GRHPR: variants seen among roughly 807,000 people sequenced by gnomAD.
GRHPR encodes the protein glyoxylate and hydroxypyruvate reductase, also known as glyoxylate reductase/hydroxypyruvate reductase.
Under a neutral mutation model 36.8 loss-of-function variants are expected in GRHPR, and 35 were observed. The observed-to-expected ratio is 0.95, with a 90% confidence interval of 0.73 to 1.26. The LOEUF is 1.26. GRHPR is among the 50% of genes most tolerant of loss of function. GRHPR has a pLI of 0.00. For synonymous variants in GRHPR, 179 were observed against 181.0 expected (o/e 0.99, Z 0.09); for missense variants, 380 against 435.0 (o/e 0.87, Z 1.12).
intron 8 of GRHPR, chr9:37,434,025 G>GCCCAC: frequency 2.7e-6 from 1 of 372,122 alleles, no homozygotes; most frequent in Non-Finnish European, 4.8e-6. Flanking sequence ...CAGGAAAACT[G>GCCCAC]CCCTCCCACC....
chr9:37,428,670 G>C lies in GRHPR; in HGVS notation c.493+98G>C, dbSNP rs765415889. On this transcript the variant is annotated intron_variant, in intron 5 of 8. Coordinates refer to ENST00000318158, the MANE Select transcript of GRHPR (RefSeq NM_012203.2). ...TGAAGGCTGAGAAGACCCACATGCT[G>C]TCAGGGCACTTTGCTTGCAGTAGAG... 1.1e-5 allele frequency: 9 copies of C among 811,910 alleles called. No homozygotes were observed. The Admixed American group carries it at 1.4e-4, about 13-fold the overall frequency. 50.3% of individuals were successfully genotyped at this position (811,910 alleles called of 1,614,324 possible). A position where few individuals can be genotyped will look rare whatever the true frequency, so the allele number is the denominator to read the frequency against.
intron 4 of GRHPR, chr9:37,428,183 T>A (rs1823175323): frequency 1.9e-6 from 1 of 518,258 alleles, no homozygotes; most frequent in South Asian, 2.1e-5. Flanking sequence ...TCTCAACTCT[T>A]CCCTGGTTGT....
chr9:37,433,688 C>A, intron 8 of GRHPR: 1 of 165,464 alleles, frequency 6.0e-6, no homozygotes, highest in Admixed American at 6.4e-5. Flanking sequence ...GCTGCTGGTC[C>A]AGGGACCACA....
intron 4 of GRHPR, chr9:37,427,683 C>G (rs987299394): frequency 2.6e-5 from 4 of 152,026 alleles, no homozygotes; most frequent in African/African-American, 9.7e-5. Flanking sequence ...ACAAAAAATA[C>G]AAAAATTAGG....
At chr9:37,424,042 GATGC>G in intron 1 of GRHPR, among the ~76,000 whole-genome samples, 1 of 152,204 alleles carries the variant, frequency 6.6e-6, no homozygotes, top group Admixed American at 6.5e-5. Flanking sequence ...ATAGGAAGAG[GATGC>G]AATCCAGCCT....
At chr9:37,431,336 T>TG (rs1013557005) in intron 7 of GRHPR, 10 of 331,706 alleles carry the variant, frequency 3.0e-5, no homozygotes, top group African/African-American at 1.5e-4. Flanking sequence ...GAGTGAAACA[T>TG]GCAGGACCAC....
At chr9:37,436,241 G>A (rs1426197892) in intron 8 of GRHPR, among the ~76,000 whole-genome samples, 3 of 152,084 alleles carry the variant, frequency 2.0e-5, no homozygotes, top group East Asian at 1.9e-4. Context: ...CCCAAGTAGC[G>A]GGGACTATAG....
chr9:37,434,330 T>C, intron 8 of GRHPR: 1 of 471,978 alleles, frequency 2.1e-6, no homozygotes, highest in South Asian at 6.2e-5. Flanking sequence ...GAACTGCCTG[T>C]GCCTTGGGGG....
rs34302950 is a variant in GRHPR, at chr9:37,436,635, CCTCTCT to C, written c.866-14_866-9del. Reference sequence around the variant, plus strand: ...GCTGCTGAACCACCCTTCTTATCTCCCTCTCTCTCTCTCTCTCCTTTCCAGTGATTC... The same window carrying C: ...GCTGCTGAACCACCCTTCTTATCTCCCTCTCTCTCTCCTTTCCAGTGATTC... On this transcript the variant is annotated intron_variant, in intron 8 of 8. Coordinates refer to ENST00000318158, the MANE Select transcript of GRHPR (RefSeq NM_012203.2). 1,803 of 1,525,216 alleles carry C rather than the reference CCTCTCT, an allele frequency of 1.2e-3. 7 individuals are homozygous for C. The African/African-American group carries it at 0.018, about 15-fold the overall frequency. 94.5% of individuals were successfully genotyped at this position (1,525,216 alleles called of 1,614,324 possible).
At chr9:37,428,709 G>C (rs1178814340) in intron 5 of GRHPR, 137 bp downstream of exon 5, 1 of 725,558 alleles carries the variant, frequency 1.4e-6, no homozygotes, top group African/African-American at 1.7e-5. Context: ...TCTCTAATGA[G>C]GGATACAGCT....
At chr9:37,423,005 G>A (rs1023433731) in intron 1 of GRHPR, among the ~76,000 whole-genome samples, 172 bp downstream of exon 1, 4 of 152,180 alleles carry the variant, frequency 2.6e-5, no homozygotes, top group Non-Finnish European at 4.4e-5. Flanking sequence ...GGGACCTGCA[G>A]TTCCGGCTTT....
intron 6 of GRHPR, 188 bp downstream of exon 6, chr9:37,430,024 A>G (rs1271731074): frequency 3.1e-6 from 2 of 648,596 alleles, no homozygotes; most frequent in African/African-American, 1.8e-5. Context: ...GGACTTACCC[A>G]GGTCCTCTCC....
At chr9:37,422,608 G>C (rs960645386), upstream of GRHPR, 5 of 700,696 alleles carry the variant, frequency 7.1e-6, no homozygotes, top group African/African-American at 1.8e-5. Context: ...GCAACCCGGC[G>C]CTCCCTCTCG....
At chr9:37,438,335 G>A (rs1011725171), downstream of GRHPR, 3 of 152,536 alleles carry the variant, frequency 2.0e-5, no homozygotes, top group Non-Finnish European at 2.9e-5. Context: ...GGAACCCTGG[G>A]ACTGGTTTTC....
chr9:37,430,353 C>T, intron 6 of GRHPR, 158 bp from the exon 7 acceptor site: 2 of 722,292 alleles, frequency 2.8e-6, no homozygotes, highest in Non-Finnish European at 5.0e-6. Flanking sequence ...TGTGATTTGA[C>T]TTTGTGCACT....
Position 37,430,691 on chromosome 9 carries a change from C to T in GRHPR, c.734+45C>T, listed in dbSNP as rs199989291. On this transcript the variant is annotated intron_variant, in intron 7 of 8. Coordinates refer to ENST00000318158, the MANE Select transcript of GRHPR (RefSeq NM_012203.2). Reference sequence around the variant, plus strand: ...CCCAGCAAGCCTGGAGAGGAGCCATCCCCACTGCTGCCATCTGGAGATTTT... The same window carrying T: ...CCCAGCAAGCCTGGAGAGGAGCCATTCCCACTGCTGCCATCTGGAGATTTT... 4 of 1,572,274 alleles carry T rather than the reference C, an allele frequency of 2.5e-6. No homozygotes were observed. In the East Asian group the frequency reaches 9.0e-5, roughly 35 times the overall value.
At chr9:37,426,786 A>G (rs1823102982) in intron 4 of GRHPR, 132 bp downstream of exon 4, 3 of 633,446 alleles carry the variant, frequency 4.7e-6, no homozygotes, top group Admixed American at 2.2e-5. Context: ...CGTCTCTAGT[A>G]AAAATACAAA....
chr9:37,436,786 A>G lies in GRHPR; in HGVS notation c.*4A>G, dbSNP rs1564305751. The G allele has an allele frequency of 6.2e-7, 1 of 1,613,980 alleles. No homozygotes were observed. The highest frequency in any genetic ancestry group is 1.1e-5 in the South Asian group (1 of 91,076). On this transcript the variant is annotated 3_prime_UTR_variant, in exon 9 of 9. Transcript: ENST00000318158. ...GCCTAGTGAACTCAAGCTGTAGCCA[A>G]ACAGTAGAGATGGAGGGCCGGGAAG...
intron 2 of GRHPR, among the ~76,000 whole-genome samples, chr9:37,425,294 T>A (rs1257199788): frequency 6.6e-6 from 1 of 152,236 alleles, no homozygotes; most frequent in Non-Finnish European, 1.5e-5. Context: ...ACCCTGCCCC[T>A]TCTGGGCGTG....
Sources: gnomAD v4.1 joint callset for allele counts (sites outside exome capture counted in the v4.1 genomes callset) on GRCh38, gnomAD v4.1.1 for gene constraint, MANE v1.5 for transcripts, NCBI Gene and HGNC (gene_info 2026-07-23, HGNC 2026-07-21) for gene names.